The following SOX5 variants were observed in gnomAD, a reference collection of about 807,000 sequenced individuals.
SOX5 encodes transcription factor SOX-5.
Under a neutral mutation model 92.0 loss-of-function variants are expected in SOX5, and 9 were observed. That is an observed-to-expected ratio of 0.10 (90% CI 0.06 to 0.17). SOX5 has a LOEUF of 0.17. Among genes scored for constraint, SOX5 ranks in the 10% least tolerant of loss-of-function variants. SOX5 has a pLI of 1.00. For missense variants in SOX5, 642 were observed against 944.5 expected, an observed-to-expected ratio of 0.68 and a Z score of 4.20; for synonymous variants, 344 against 336.3, an observed-to-expected ratio of 1.02 and a Z score of -0.25.
chr12:24,412,135 C>T lies in SOX5; in HGVS notation c.-250-43496G>A, dbSNP rs149955715. Among the ~76,000 whole-genome samples, 167 of 152,080 alleles carry T rather than the reference C, an allele frequency of 1.1e-3. 1 individual carries two copies. The highest frequency in any genetic ancestry group is 3.5e-3 in the African/African-American group (145 of 41,496). On this transcript the variant is annotated intron_variant, in intron 1 of 4. Coordinates refer to the SOX5 transcript ENST00000446891. ...GTGATACATCCGTATCGTATCGATA[C>T]GATCGATAAATCGTATCGATTACTG...
intron 4 of SOX5, among the ~76,000 whole-genome samples, chr12:24,085,531 T>C (rs1281176216): frequency 6.6e-6 from 1 of 152,138 alleles, no homozygotes; most frequent in Non-Finnish European, 1.5e-5. Context: ...CAGGACTTTA[T>C]TTCATATATT....
intron 1 of SOX5, among the ~76,000 whole-genome samples, chr12:24,427,455 T>A (rs1338739542): frequency 1.3e-5 from 2 of 152,216 alleles, no homozygotes; most frequent in Non-Finnish European, 2.9e-5. Flanking sequence ...TGGGATTATA[T>A]CACATGGGAG....
At chr12:24,097,134 T>C (rs1945517428) in intron 4 of SOX5, among the ~76,000 whole-genome samples, 3 of 152,176 alleles carry the variant, frequency 2.0e-5, no homozygotes, top group Admixed American at 6.5e-5. Context: ...CCTTTATGAC[T>C]AATGATATTG....
chr12:24,463,261 A>C (rs1288845719), intron 1 of SOX5, among the ~76,000 whole-genome samples: 1 of 152,088 alleles, frequency 6.6e-6, no homozygotes, highest in East Asian at 1.9e-4. Context: ...TTTTTGCCCT[A>C]ACTTTATAGA....
At chr12:24,158,694 T>A (rs1952446189) in intron 4 of SOX5, among the ~76,000 whole-genome samples, 1 of 151,974 alleles carries the variant, frequency 6.6e-6, no homozygotes, top group Admixed American at 6.6e-5. Flanking sequence ...TGCCACATAT[T>A]CTTTGAGATA....
chr12:23,861,347 G>A (rs2096755764), intron 2 of SOX5, among the ~76,000 whole-genome samples: 1 of 152,118 alleles, frequency 6.6e-6, no homozygotes, highest in Non-Finnish European at 1.5e-5. Flanking sequence ...GACTACAGGT[G>A]ACAGTATTTT....
rs1508228 is a variant in SOX5, at chr12:24,418,644, A to T, written c.-250-50005T>A. Among the ~76,000 whole-genome samples the T allele has an allele frequency of 4.5e-3, 678 of 152,316 alleles. 10 individuals carry two copies. In the East Asian group the frequency reaches 0.05, roughly 11 times the overall value. On this transcript the variant is annotated intron_variant, in intron 1 of 4. Transcript: ENST00000446891. ...ATTGCAGAGATAAGGAGCTGAAACCATTGGAAAAGGCCAGCCCAATAATCT... is the reference window on the plus strand; with the variant it reads ...ATTGCAGAGATAAGGAGCTGAAACCTTTGGAAAAGGCCAGCCCAATAATCT...
chr12:24,491,067 T>C (rs10589735), intron 1 of SOX5, among the ~76,000 whole-genome samples: 1 of 122,820 alleles, frequency 8.1e-6, no homozygotes, highest in Non-Finnish European at 1.7e-5. Context: ...TCTTTCTTTC[T>C]TTCCTTCTTT....
In SOX5 at chr12:24,331,787, G is replaced by T. The variant is rs569907373; in HGVS notation, c.-174+36776C>A. On this transcript the variant is annotated intron_variant, in intron 2 of 4. Transcript: ENST00000446891. The stretch of plus-strand genomic sequence containing the variant: ...CCCTTGAGCCCAGGGGGCAGAGGTT[G>T]CACTGAGTTGAGATCATGCCACTGC... 2.4e-5 allele frequency among the ~76,000 whole-genome samples: 3 copies of T among 127,416 alleles called. No individual in the cohort carries two copies. The South Asian group carries it at 8.2e-4, about 35-fold the overall frequency. 83.6% of individuals were successfully genotyped at this position (127,416 alleles called of 152,430 possible).
chr12:23,734,003 G>C (rs1347519584), intron 6 of SOX5, among the ~76,000 whole-genome samples: 6 of 152,302 alleles, frequency 3.9e-5, no homozygotes, highest in African/African-American at 1.4e-4. Flanking sequence ...TGTTCAGAAA[G>C]TAAATTGTCA....
intron 2 of SOX5, among the ~76,000 whole-genome samples, chr12:23,889,406 C>T (rs1052672120): frequency 2.4e-4 from 37 of 152,118 alleles, no homozygotes; most frequent in Non-Finnish European, 3.2e-4. Context: ...AACAGTATTA[C>T]GCGCATAACA....
chr12:24,410,073 C>T (rs1216338177), intron 1 of SOX5, among the ~76,000 whole-genome samples: 1 of 151,936 alleles, frequency 6.6e-6, no homozygotes, highest in Non-Finnish European at 1.5e-5. Context: ...TCAAGGCTCA[C>T]TGCAGCCTCG....
chr12:24,431,246 G>C (rs886265102), intron 1 of SOX5, among the ~76,000 whole-genome samples: 8 of 152,108 alleles, frequency 5.3e-5, no homozygotes, highest in African/African-American at 1.7e-4. Context: ...ACACCCTTCT[G>C]ACTATGATGC....
chr12:24,127,219 T>C (rs906878343), intron 4 of SOX5, among the ~76,000 whole-genome samples: 1 of 151,420 alleles, frequency 6.6e-6, no homozygotes, highest in Non-Finnish European at 1.5e-5. Flanking sequence ...GGCAAAACCC[T>C]GTCTCTACAA....
intron 11 of SOX5, among the ~76,000 whole-genome samples, chr12:23,551,596 A>T (rs1465198917): frequency 6.6e-6 from 1 of 151,880 alleles, no homozygotes; most frequent in Non-Finnish European, 1.5e-5. Context: ...TACCTCCATC[A>T]AGTATGAATT....
chr12:23,750,815 C>A (rs1177412110), intron 4 of SOX5, among the ~76,000 whole-genome samples: 5 of 151,774 alleles, frequency 3.3e-5, no homozygotes. Flanking sequence ...TAATTGTCAA[C>A]TGGACTGTCA....
At chr12:24,501,330 C>A (rs115307238) in intron 1 of SOX5, among the ~76,000 whole-genome samples, 186 of 137,506 alleles carry the variant, frequency 1.4e-3, no homozygotes, top group African/African-American at 4.7e-3. Flanking sequence ...AGGATAGGGG[C>A]AAGATATGTG....
At chr12:24,493,050 G>T (rs979347437) in intron 1 of SOX5, among the ~76,000 whole-genome samples, 10 of 151,984 alleles carry the variant, frequency 6.6e-5, no homozygotes, top group Non-Finnish European at 7.4e-5. Context: ...TTACCAAAAG[G>T]GCAAGGTTTC....
intron 4 of SOX5, among the ~76,000 whole-genome samples, chr12:24,081,036 T>C (rs1943268105): frequency 6.6e-6 from 1 of 152,018 alleles, no homozygotes; most frequent in South Asian, 2.1e-4. Context: ...AACTTGTGAA[T>C]TTAATACATA....
Sources: gnomAD v4.1 joint callset for allele counts (sites outside exome capture counted in the v4.1 genomes callset) on GRCh38, gnomAD v4.1.1 for gene constraint, MANE v1.5 for transcripts, NCBI Gene and HGNC (gene_info 2026-07-23, HGNC 2026-07-21) for gene names.